ABHD2: variants seen among roughly 807,000 people sequenced by gnomAD.
ABHD2 encodes abhydrolase domain containing 2, acylglycerol lipase, also known as monoacylglycerol lipase ABHD2.
In ABHD2, 20 loss-of-function variants were observed where a neutral mutation model predicts 48.1. The ratio of observed to expected loss-of-function variants is 0.42; its 90% CI spans 0.29 to 0.60. The LOEUF (loss-of-function observed/expected upper bound fraction) is 0.60, where lower values mean the gene tolerates loss of function less well. ABHD2 is among the 20% of genes least tolerant of loss of function. The pLI, the probability that ABHD2 is intolerant of heterozygous loss-of-function variation, is 0.24. For missense variants in ABHD2, 405 were observed against 550.9 expected, an observed-to-expected ratio of 0.74 and a Z score of 2.65; for synonymous variants, 209 against 214.2, an observed-to-expected ratio of 0.98 and a Z score of 0.21.
chr15:89,190,487 C>A (rs1596164547), intron 8 of ABHD2, among the ~76,000 whole-genome samples: 2 of 152,144 alleles, frequency 1.3e-5, no homozygotes, highest in East Asian at 3.8e-4. Flanking sequence ...TATTCCAATT[C>A]ACGGTGGTCC....
At chr15:89,140,913 A>G (rs976834154) in intron 3 of ABHD2, among the ~76,000 whole-genome samples, 1 of 152,078 alleles carries the variant, frequency 6.6e-6, no homozygotes, top group Non-Finnish European at 1.5e-5. Context: ...GCCCAGAGAC[A>G]GTGTGTTACT....
intron 6 of ABHD2, among the ~76,000 whole-genome samples, chr15:89,178,079 G>C (rs143130282): frequency 6.6e-6 from 1 of 152,156 alleles, no homozygotes; most frequent in Non-Finnish European, 1.5e-5. Flanking sequence ...ACCTCAGAGG[G>C]CTTCATACAC....
chr15:89,176,284 C>G lies in ABHD2; in HGVS notation c.722+289C>G, dbSNP rs2051012101. Among the ~76,000 whole-genome samples, 1 of 152,080 alleles carries G rather than the reference C, an allele frequency of 6.6e-6. No individual in the cohort carries two copies. The highest frequency in any genetic ancestry group is 2.4e-5 in the African/African-American group (1 of 41,398). The stretch of plus-strand genomic sequence containing the variant: ...CTCCTAGGGAATCTCTGTCAGGTGA[C>G]TTAATTTGTTCAGGCTTCAGGAGTT... On this transcript the variant is annotated intron_variant, in intron 6 of 10. Coordinates refer to ENST00000352732, the MANE Select transcript of ABHD2 (RefSeq NM_152924.5). The surrounding 1 kb of genome is among the most constrained non-coding windows in gnomAD (Gnocchi z 4.5).
Position 89,170,388 on chromosome 15 carries a change from C to T in ABHD2, c.539-5424C>T, listed in dbSNP as rs565939509. Among the ~76,000 whole-genome samples the T allele has an allele frequency of 3.8e-4, 58 of 152,186 alleles. 1 individual carries two copies. The South Asian group carries it at 1.0e-2, about 26-fold the overall frequency. On this transcript the variant is annotated intron_variant, in intron 5 of 10. Transcript: ENST00000352732. The stretch of plus-strand genomic sequence containing the variant: ...CTGGGATTACAAGCATCAGCCACCG[C>T]GCCCGGCCAGATTCATCCTTTTTCA...
chr15:89,192,564 C>T (rs754545202), intron 9 of ABHD2, among the ~76,000 whole-genome samples: 25 of 150,596 alleles, frequency 1.7e-4, no homozygotes, highest in African/African-American at 5.9e-4. Context: ...GGCTAGAGTG[C>T]GGTGGCATGA....
Position 89,185,388 on chromosome 15 carries a change from C to T in ABHD2, c.723-36C>T. On this transcript the variant is annotated intron_variant, in intron 6 of 10. Transcript: ENST00000352732. The surrounding 1 kb of genome is among the most constrained non-coding windows in gnomAD (Gnocchi z 5.9). ...TCCTGGCTGCCCGCCTGCACCCCCA[C>T]ACCGCAGTCACCCTCACTCGCTGTG... 1.3e-6 allele frequency: 2 copies of T among 1,588,858 alleles called. No individual in the cohort carries two copies. The highest frequency in any genetic ancestry group is 1.7e-6 in the Non-Finnish European group (2 of 1,157,720).
chr15:89,196,183 C>T lies in ABHD2; in HGVS notation c.*760C>T, dbSNP rs1191752248. Reference sequence around the variant, plus strand: ...ATTTTGGAAATGCTGTTCAACAGCGCCCTTAAATTGGAAACATCTTTGCAG... The same window carrying T: ...ATTTTGGAAATGCTGTTCAACAGCGTCCTTAAATTGGAAACATCTTTGCAG... On this transcript the variant is annotated 3_prime_UTR_variant, in exon 11 of 11. Coordinates refer to ENST00000352732, the MANE Select transcript of ABHD2 (RefSeq NM_152924.5). 1 of 152,184 alleles carries T rather than the reference C, an allele frequency of 6.6e-6. No homozygotes were observed. Among genetic ancestry groups the T allele is most frequent in the African/African-American group, 2.4e-5 (1 of 41,414 alleles). The allele number at this position is 152,184 out of a possible 1,614,324, so 9.4% of individuals were successfully genotyped here.
chr15:89,162,268 C>G (rs2050774363), intron 5 of ABHD2, among the ~76,000 whole-genome samples: 1 of 152,198 alleles, frequency 6.6e-6, no homozygotes, highest in Admixed American at 6.5e-5. Context: ...TCAATTTCCC[C>G]ATTGTCTTCC....
At chr15:89,103,783 T>A (rs775635589) in intron 1 of ABHD2, 5 of 152,240 alleles carry the variant, frequency 3.3e-5, no homozygotes, top group African/African-American at 9.7e-5. Context: ...GCTCTTTAGC[T>A]CTCATAATCA....
the ABHD2 span, among the ~76,000 whole-genome samples, chr15:89,052,629 G>A: frequency 6.6e-6 from 1 of 151,818 alleles, no homozygotes; most frequent in Admixed American, 6.6e-5. Context: ...CAGAGATTGG[G>A]CAATGTTTCT....
At chr15:89,140,737 C>T (rs1035418356) in intron 3 of ABHD2, among the ~76,000 whole-genome samples, 3 of 152,076 alleles carry the variant, frequency 2.0e-5, no homozygotes, top group African/African-American at 7.2e-5. Context: ...GTCTCTCCTG[C>T]GAGAGAGAGC....
intron 1 of ABHD2, among the ~76,000 whole-genome samples, chr15:89,093,438 T>C (rs1901680973): frequency 6.6e-6 from 1 of 152,154 alleles, no homozygotes; most frequent in Non-Finnish European, 1.5e-5. Flanking sequence ...CCCAAAGTGC[T>C]GGGATTACAG....
the ABHD2 span, among the ~76,000 whole-genome samples, chr15:89,053,337 C>T: frequency 2.3e-4 from 35 of 152,090 alleles, no homozygotes; most frequent in East Asian, 5.0e-3. Flanking sequence ...TACTTTGTTA[C>T]GGCAGCCCTA....
rs2050861584 is a variant in ABHD2, at chr15:89,167,922, T to C, written c.539-7890T>C. Among the ~76,000 whole-genome samples, 1 of 152,246 alleles carries C rather than the reference T, an allele frequency of 6.6e-6. No individual in the cohort carries two copies. Among genetic ancestry groups the C allele is most frequent in the Non-Finnish European group, 1.5e-5 (1 of 68,042 alleles). ...CTCTTTCATGTCCCCTGCTTACTCA[T>C]GCTGGCGAGTACTGTGTGCCTTTAT... On this transcript the variant is annotated intron_variant, in intron 5 of 10. Coordinates refer to ENST00000352732, the MANE Select transcript of ABHD2 (RefSeq NM_152924.5). The surrounding 1 kb of genome is among the most constrained non-coding windows in gnomAD (Gnocchi z 5.5).
rs1268530492 is a variant in ABHD2 at position 89,167,806 on chromosome 15, A to G, written c.539-8006A>G. ...TACTATGGAAGTGACAGGGGCTGCT[A>G]GGCCCCTAACCGCCCACCTGTCAGC... On this transcript the variant is annotated intron_variant, in intron 5 of 10. Transcript: ENST00000352732. The surrounding 1 kb of genome is among the most constrained non-coding windows in gnomAD (Gnocchi z 5.5). Among the ~76,000 whole-genome samples the G allele has an allele frequency of 6.6e-6, 1 of 152,208 alleles. No individual in the cohort carries two copies. Among genetic ancestry groups the G allele is most frequent in the Non-Finnish European group, 1.5e-5 (1 of 68,022 alleles).
At chr15:89,159,758 T>A (rs2050734112) in intron 5 of ABHD2, among the ~76,000 whole-genome samples, 1 of 149,070 alleles carries the variant, frequency 6.7e-6, no homozygotes, top group Non-Finnish European at 1.5e-5. Context: ...AAATTAACTA[T>A]CTCCTTCAAT....
chr15:89,064,431 T>G, the ABHD2 span, among the ~76,000 whole-genome samples: 2 of 152,026 alleles, frequency 1.3e-5, no homozygotes, highest in African/African-American at 4.8e-5. Flanking sequence ...GGTTTCACCG[T>G]GTTAGCCAGG....
chr15:89,172,164 A>G (rs963719813), intron 5 of ABHD2, among the ~76,000 whole-genome samples: 1 of 152,240 alleles, frequency 6.6e-6, no homozygotes, highest in African/African-American at 2.4e-5. Context: ...GTACATAACA[A>G]AATTTCATCC....
intron 1 of ABHD2, among the ~76,000 whole-genome samples, chr15:89,103,405 C>G (rs569075657): frequency 4.3e-4 from 65 of 152,234 alleles, no homozygotes; most frequent in African/African-American, 1.5e-3. Context: ...CGTAAAGTAA[C>G]CTCCCTTCCC....
Sources: allele counts gnomAD v4.1 joint callset (sites outside exome capture counted in the v4.1 genomes callset), GRCh38; gene constraint gnomAD v4.1.1; non-coding constraint Gnocchi (gnomAD v3.1); transcripts MANE v1.5; gene names NCBI Gene and HGNC (gene_info 2026-07-23, HGNC 2026-07-21).